TTC23L: variants seen among roughly 807,000 people sequenced by gnomAD.
The protein encoded by TTC23L is tetratricopeptide repeat domain 23 like.
In TTC23L, 42 loss-of-function variants were observed where a neutral mutation model predicts 48.1. The ratio of observed to expected loss-of-function variants is 0.87; its 90% confidence interval spans 0.68 to 1.13. The LOEUF (loss-of-function observed/expected upper bound fraction) is 1.13. Ranked by LOEUF, TTC23L falls within the 50% of genes most tolerant of loss-of-function variation. TTC23L has a pLI of 0.00. For synonymous variants in TTC23L, 159 were observed against 157.2 expected, an observed-to-expected ratio of 1.01 and a Z score of -0.09; for missense variants, 391 against 421.0, an observed-to-expected ratio of 0.93 and a Z score of 0.62.
intron 8 of TTC23L, chr5:34,869,839 A>G (rs1452683601): frequency 3.9e-5 from 6 of 151,904 alleles, no homozygotes; most frequent in Non-Finnish European, 8.8e-5. Context: ...ATTTTTTTTC[A>G]GTTTGCAAAA....
chr5:34,845,862 A>G, intron 3 of TTC23L, 189 bp downstream of exon 3: 1 of 619,956 alleles, frequency 1.6e-6, no homozygotes, highest in African/African-American at 1.8e-5. Context: ...TGCATGGTTC[A>G]TTGTCTGTTC....
the TTC23L span, among the ~76,000 whole-genome samples, chr5:34,911,267 G>C: frequency 6.6e-6 from 1 of 152,058 alleles, no homozygotes. Context: ...GATGTAACCT[G>C]ATCTATGAAA....
rs764075212 is a variant in TTC23L at position 34,880,185 on chromosome 5, T to C, written c.954T>C (p.Ala318=). The C allele has an allele frequency of 4.4e-6, 7 of 1,607,006 alleles. No homozygotes were observed. In the East Asian group the frequency reaches 1.6e-4, roughly 36 times the overall value. ...TAATTGTTTCAATTTTTCCAGATGC[T>C]GTTGAGATATATTTCATAAGAAGTA... The change falls in exon 9 of 11, where the codon GCT becomes GCC. Residue 318 remains alanine, a synonymous_variant. Coordinates refer to ENST00000505624, the Ensembl canonical transcript of TTC23L.
the TTC23L span, chr5:34,908,322 T>A: frequency 6.5e-6 from 1 of 152,696 alleles, no homozygotes; most frequent in South Asian, 2.1e-4. Context: ...TACAGGCATG[T>A]GCCACCACGT....
intron 9 of TTC23L, among the ~76,000 whole-genome samples, chr5:34,882,339 C>T (rs910406278): frequency 3.6e-4 from 55 of 152,202 alleles, no homozygotes; most frequent in African/African-American, 1.3e-3. Flanking sequence ...ATAAGCAGGA[C>T]GGACTATGGA....
intron 6 of TTC23L, among the ~76,000 whole-genome samples, chr5:34,864,782 A>AG (rs911332327): frequency 8.5e-5 from 13 of 152,216 alleles, no homozygotes; most frequent in Non-Finnish European, 1.3e-4. Flanking sequence ...ATTTTATTAA[A>AG]GGGGGGTGGT....
chr5:34,888,411 T>C, intron 9 of TTC23L: 2 of 923,388 alleles, frequency 2.2e-6, no homozygotes, highest in Non-Finnish European at 2.6e-6. Context: ...TTAAGGTGCT[T>C]GCTATCTGAT....
At chr5:34,880,934 C>G (rs759148406) in intron 9 of TTC23L, among the ~76,000 whole-genome samples, 19 of 152,088 alleles carry the variant, frequency 1.2e-4, no homozygotes, top group Non-Finnish European at 2.6e-4. Flanking sequence ...CCACTGTGCC[C>G]CACCAGCATT....
intron 10 of TTC23L, among the ~76,000 whole-genome samples, chr5:34,897,369 G>A (rs1464194840): frequency 6.6e-6 from 1 of 151,378 alleles, no homozygotes; most frequent in East Asian, 1.9e-4. Flanking sequence ...GGGCAACAGA[G>A]CAAGACTGTC....
intron 4 of TTC23L, among the ~76,000 whole-genome samples, chr5:34,859,611 G>A (rs336469): frequency 0.45 from 67,468 of 151,536 alleles, 15,222 homozygotes; most frequent in Admixed American, 0.52. Flanking sequence ...TTTCTCTTCC[G>A]TTTTTCATCA....
intron 9 of TTC23L, among the ~76,000 whole-genome samples, chr5:34,883,999 A>T (rs554625110): frequency 5.9e-5 from 9 of 152,314 alleles, no homozygotes; most frequent in Admixed American, 2.0e-4. Flanking sequence ...AGATGCAAAA[A>T]TTCTCAACAA....
At chr5:34,845,852 T>A in intron 3 of TTC23L, 179 bp downstream of exon 3, 1 of 636,988 alleles carries the variant, frequency 1.6e-6, no homozygotes, top group Non-Finnish European at 2.6e-6. Flanking sequence ...TCTGGTTCCA[T>A]GCATGGTTCA....
intron 4 of TTC23L, among the ~76,000 whole-genome samples, chr5:34,852,811 G>T (rs1377854944): frequency 1.3e-5 from 2 of 152,128 alleles, no homozygotes; most frequent in South Asian, 2.1e-4. Flanking sequence ...AGAAAAAGAG[G>T]TTTATGGATT....
chr5:34,883,708 C>T (rs550380754), intron 9 of TTC23L, among the ~76,000 whole-genome samples: 2 of 152,204 alleles, frequency 1.3e-5, no homozygotes, highest in Non-Finnish European at 2.9e-5. Flanking sequence ...ATATTACCTA[C>T]CAAGACTGAA....
At chr5:34,909,923 G>A in the TTC23L span, among the ~76,000 whole-genome samples, 3 of 152,168 alleles carry the variant, frequency 2.0e-5, no homozygotes, top group Admixed American at 6.6e-5. Flanking sequence ...TGAGCATGGC[G>A]ATAAGATCCA....
the TTC23L span, among the ~76,000 whole-genome samples, chr5:34,924,223 C>G: frequency 6.6e-6 from 1 of 152,162 alleles, no homozygotes; most frequent in East Asian, 1.9e-4. Context: ...TGGAAGAGAA[C>G]AGCAAGAACA....
chr5:34,885,815 T>C (rs1762507465), intron 9 of TTC23L, among the ~76,000 whole-genome samples: 1 of 151,752 alleles, frequency 6.6e-6, no homozygotes, highest in Admixed American at 6.6e-5. Flanking sequence ...TCAACAAAAA[T>C]ATGTGTGTGT....
chr5:34,880,146 C>A, intron 8 of TTC23L, 35 bp from the exon 9 acceptor site: 2 of 1,592,844 alleles, frequency 1.3e-6, no homozygotes, highest in Non-Finnish European at 1.7e-6. Flanking sequence ...TAAAGGTTAG[C>A]AGCTTGCCTT....
downstream of TTC23L, among the ~76,000 whole-genome samples, chr5:34,900,551 T>C (rs1299012208): frequency 1.3e-5 from 2 of 152,132 alleles, no homozygotes; most frequent in African/African-American, 4.8e-5. Context: ...ACTGTATTTA[T>C]TGATTCCGTT....
Sources: gnomAD v4.1 joint callset for allele counts (sites outside exome capture counted in the v4.1 genomes callset) on GRCh38, gnomAD v4.1.1 for gene constraint, MANE v1.5 for transcripts, NCBI Gene and HGNC (gene_info 2026-07-23, HGNC 2026-07-21) for gene names.